Variants in KDF1 observed in about 807,000 individuals in gnomAD.
KDF1 encodes the protein RP11-344H11.3.
Under a neutral mutation model 31.6 loss-of-function variants are expected in KDF1, and 11 were observed. The observed-to-expected ratio is 0.35, with a 90% confidence interval of 0.22 to 0.58. The LOEUF (loss-of-function observed/expected upper bound fraction) is 0.58. KDF1 is among the 20% of genes least tolerant of loss of function. KDF1 has a pLI of 0.83. For synonymous variants in KDF1, 205 were observed against 214.4 expected (o/e 0.96, Z 0.38); for missense variants, 476 against 549.1 (o/e 0.87, Z 1.33).
Position 26,952,253 on chromosome 1 carries a change from C to A in KDF1, c.128G>T (p.Arg43Leu). The change falls in exon 2 of 4, where the codon CGT (arginine) becomes CTT (leucine). Residue 43 changes from arginine (R) to leucine (L), a missense_variant. This residue lies in a region of KDF1 where 330 missense variants were observed against 332.3 expected (regional missense o/e 0.99). Coordinates refer to ENST00000320567, the MANE Select transcript of KDF1 (RefSeq NM_152365.3). This position sits in a 1 kb window ranked among gnomAD's most constrained non-coding sequence, Gnocchi z 4.1. ...PPQPPPSRRT[R>L]RPDPKDPGHH... ...GCCAGGGTCCTTGGGGTCTGGTCTA[C>A]GGGTGCGGCGGCTTGGTGGGGGCTG... The A allele has an allele frequency of 6.3e-7, 1 of 1,589,866 alleles. No individual in the cohort carries two copies. Among genetic ancestry groups the A allele is most frequent in the Non-Finnish European group, 8.6e-7 (1 of 1,166,478 alleles).
intron 1 of KDF1, among the ~76,000 whole-genome samples, chr1:26,957,384 C>G (rs2082381478): frequency 6.6e-6 from 1 of 152,178 alleles, no homozygotes; most frequent in African/African-American, 2.4e-5. Flanking sequence ...GCTGGGTCAG[C>G]CTTGTACTGA....
chr1:26,959,755 C>T (rs1292120314), intron 1 of KDF1, among the ~76,000 whole-genome samples: 2 of 152,160 alleles, frequency 1.3e-5, no homozygotes, highest in African/African-American at 4.8e-5. Context: ...GCACCAGCCT[C>T]TGCCCCCAGC....
rs569778819 is a variant in KDF1, at chr1:26,958,860, G to A, written c.-33+1490C>T. Among the ~76,000 whole-genome samples the A allele has an allele frequency of 1.8e-4, 27 of 152,308 alleles. No homozygotes were observed. The East Asian group carries it at 4.6e-3, about 26-fold the overall frequency. On this transcript the variant is annotated intron_variant, in intron 1 of 3. Coordinates refer to ENST00000320567, the MANE Select transcript of KDF1 (RefSeq NM_152365.3). ...TTAACCATGCTGAGCTCGGAAGTAC[G>A]TGGGGCTCCTGAGGATGGACTGGCT...
At position 26,950,257 on chromosome 1, in the gene KDF1, G is replaced by T; in HGVS notation, c.1115-106C>A. On this transcript the variant is annotated intron_variant, in intron 3 of 3. Transcript: ENST00000320567. The surrounding 1 kb of genome is among the most constrained non-coding windows in gnomAD (Gnocchi z 4.0). ...TGAGAAGGAGCAGAGTGGGACTTGA[G>T]CCTGGGTCAGTCTGATCCTGGCTGG... 9.5e-7 allele frequency: 1 copy of T among 1,049,210 alleles called. No individual in the cohort carries two copies. Among genetic ancestry groups the T allele is most frequent in the Non-Finnish European group, 1.5e-6 (1 of 680,664 alleles). 65.0% of individuals were successfully genotyped at this position (1,049,210 alleles called of 1,614,324 possible). A position where few individuals can be genotyped will look rare whatever the true frequency, so the allele number is the denominator to read the frequency against.
chr1:26,949,644 A>ATC lies in KDF1; in HGVS notation c.*424_*425insGA. 1 of 180,042 alleles carries ATC rather than the reference A, an allele frequency of 5.6e-6. No homozygotes were observed. Among genetic ancestry groups the ATC allele is most frequent in the Non-Finnish European group, 1.2e-5 (1 of 85,336 alleles). 11.2% of individuals were successfully genotyped at this position (180,042 alleles called of 1,614,324 possible). A position where few individuals can be genotyped will look rare whatever the true frequency, so the allele number is the denominator to read the frequency against. On this transcript the variant is annotated 3_prime_UTR_variant, in exon 4 of 4. Transcript: ENST00000320567. ...CAGAACCAACTCCTTAACATAACATAGAGTGGGCCCTGCCCACCCCCCAAT... is the reference window on the plus strand; with the variant it reads ...CAGAACCAACTCCTTAACATAACATATCGAGTGGGCCCTGCCCACCCCCCAAT...
At chr1:26,955,771 A>G (rs538901281) in intron 1 of KDF1, among the ~76,000 whole-genome samples, 26 of 152,304 alleles carry the variant, frequency 1.7e-4, no homozygotes, top group African/African-American at 5.3e-4. Flanking sequence ...CCTGACCAAC[A>G]TGGTGAAACC....
intron 1 of KDF1, among the ~76,000 whole-genome samples, chr1:26,959,329 C>T (rs527876841): frequency 3.3e-5 from 5 of 152,260 alleles, no homozygotes; most frequent in Middle Eastern, 3.4e-3. Context: ...ATCTCCCCGA[C>T]CCTGCTGCCA....
Position 26,952,359 on chromosome 1 carries a change from G to A in KDF1, c.22C>T (p.Arg8Cys), listed in dbSNP as rs565917289. 13 of 1,513,012 alleles carry A rather than the reference G, an allele frequency of 8.6e-6. No individual in the cohort carries two copies. The highest frequency in any genetic ancestry group is 7.0e-5 in the African/African-American group (5 of 71,880). 93.7% of individuals were successfully genotyped at this position (1,513,012 alleles called of 1,614,324 possible). Residue 8 changes from arginine to cysteine, a missense_variant, in exon 2 of 4, where the codon CGC (arginine) becomes TGC (cysteine). Physicochemically the swap from Arg to Cys is radical, Grantham distance 180. This residue lies in a region of KDF1 where 330 missense variants were observed against 332.3 expected (regional missense o/e 0.99). Transcript: ENST00000320567. This position sits in a 1 kb window ranked among gnomAD's most constrained non-coding sequence, Gnocchi z 4.1. MPRPGHP[R>C]PASGPPRLGP... ...AAGCGTGGAGGCCCAGATGCTGGGCGGGGGTGTCCAGGGCGGGGCATGGCT... is the reference window on the plus strand; with the variant it reads ...AAGCGTGGAGGCCCAGATGCTGGGCAGGGGTGTCCAGGGCGGGGCATGGCT...
Position 26,950,178 on chromosome 1 carries a change from A to G in KDF1, c.1115-27T>C. The G allele has an allele frequency of 6.3e-7, 1 of 1,593,496 alleles. No individual in the cohort carries two copies. Among genetic ancestry groups the G allele is most frequent in the Non-Finnish European group, 8.6e-7 (1 of 1,161,712 alleles). ...TGGTAGGAAGGAGAGGAGAGGAGGA[A>G]ACAGGCTCAGGGGAAGGAGCTCATC... On this transcript the variant is annotated intron_variant, in intron 3 of 3. Transcript: ENST00000320567. This position sits in a 1 kb window ranked among gnomAD's most constrained non-coding sequence, Gnocchi z 4.0.
intron 1 of KDF1, among the ~76,000 whole-genome samples, chr1:26,958,880 C>T (rs1032745770): frequency 3.9e-5 from 6 of 152,188 alleles, no homozygotes; most frequent in Non-Finnish European, 7.3e-5. Context: ...TGAGGATGGA[C>T]TGGCTATTGT....
chr1:26,958,193 A>T (rs2082385813), intron 1 of KDF1, among the ~76,000 whole-genome samples: 1 of 126,678 alleles, frequency 7.9e-6, no homozygotes, highest in Admixed American at 8.6e-5. Flanking sequence ...AGTGGAGTGC[A>T]GTGGCGTGGT....
rs1477054609 is a variant in KDF1, at chr1:26,950,051, A to G, written c.*18T>C. 14 of 1,607,160 alleles carry G rather than the reference A, an allele frequency of 8.7e-6. No individual in the cohort carries two copies. Among genetic ancestry groups the G allele is most frequent in the African/African-American group, 1.3e-5 (1 of 74,756 alleles). ...ATGCTTCTCCCAGAAAGGGTGTGGC[A>G]GCTGGGCCTGGCAGGGGTTAGCAGT... On this transcript the variant is annotated 3_prime_UTR_variant, in exon 4 of 4. Coordinates refer to ENST00000320567, the MANE Select transcript of KDF1 (RefSeq NM_152365.3). The surrounding 1 kb of genome is among the most constrained non-coding windows in gnomAD (Gnocchi z 4.0).
chr1:26,955,679 G>A (rs910393704), intron 1 of KDF1, among the ~76,000 whole-genome samples: 4 of 152,178 alleles, frequency 2.6e-5, no homozygotes, highest in South Asian at 4.1e-4. Context: ...GATGAGGGCC[G>A]GGCACAGTGG....
chr1:26,951,245 A>AG lies in KDF1; in HGVS notation c.1039+96dup. The AG allele has an allele frequency of 3.2e-6, 4 of 1,234,504 alleles. No homozygotes were observed. In the South Asian group the frequency reaches 6.4e-5, roughly 20 times the overall value. 76.5% of individuals were successfully genotyped at this position (1,234,504 alleles called of 1,614,324 possible). A position where few individuals can be genotyped will look rare whatever the true frequency, so the allele number is the denominator to read the frequency against. Reference sequence around the variant, plus strand: ...GAGGAGGAAAGGCAGGGACTGGCTGAGGGGTAGACCCACAGTGACTAAAGA... The same window carrying AG: ...GAGGAGGAAAGGCAGGGACTGGCTGAGGGGGTAGACCCACAGTGACTAAAGA... On this transcript the variant is annotated intron_variant, in intron 2 of 3. Transcript: ENST00000320567. This position sits in a 1 kb window ranked among gnomAD's most constrained non-coding sequence, Gnocchi z 5.4.
At position 26,950,588 on chromosome 1, in the gene KDF1, T is replaced by C; in HGVS notation, c.1114+94A>G. ...TCCCCGTCCCTTTTTGATGTCATCC[T>C]CATCACCCCAAAAGAAAGCTGGGAG... On this transcript the variant is annotated intron_variant, in intron 3 of 3. Coordinates refer to ENST00000320567, the MANE Select transcript of KDF1 (RefSeq NM_152365.3). The surrounding 1 kb of genome is among the most constrained non-coding windows in gnomAD (Gnocchi z 4.0). 9.6e-7 allele frequency: 1 copy of C among 1,041,812 alleles called. No homozygotes were observed. The highest frequency in any genetic ancestry group is 1.5e-6 in the Non-Finnish European group (1 of 675,354). The allele number at this position is 1,041,812 out of a possible 1,614,324, so 64.5% of individuals were successfully genotyped here. A position where few individuals can be genotyped will look rare whatever the true frequency, so the allele number is the denominator to read the frequency against.
chr1:26,955,465 A>G (rs1161941905), intron 1 of KDF1, among the ~76,000 whole-genome samples: 1 of 152,158 alleles, frequency 6.6e-6, no homozygotes, highest in Non-Finnish European at 1.5e-5. Context: ...GATTAGATAA[A>G]AAAGCTGAGC....
rs879609294 is a variant in KDF1, at chr1:26,954,919, C to T, written c.-32-2507G>A. ...TGTCACCCAGGCTGGAGTGCAATGG[C>T]GCATTCTCGGCTCACTGCAACCTCT... On this transcript the variant is annotated intron_variant, in intron 1 of 3. Transcript: ENST00000320567. Among the ~76,000 whole-genome samples, 19 of 147,746 alleles carry T rather than the reference C, an allele frequency of 1.3e-4. No homozygotes were observed. In the South Asian group the frequency reaches 1.3e-3, roughly 10 times the overall value.
Position 26,951,885 on chromosome 1 carries a change from G to T in KDF1, c.496C>A (p.Leu166Ile). 3 of 1,611,620 alleles carry T rather than the reference G, an allele frequency of 1.9e-6. No individual in the cohort carries two copies. Among genetic ancestry groups the T allele is most frequent in the Non-Finnish European group, 2.5e-6 (3 of 1,178,306 alleles). ...TAGGGATACACAGGGATGCCTTTGA[G>T]CTTAACATCGGGGTAGCTGAAGCTG... ...GSSFSYPDVKLKGIPVYPYPR... is the reference protein window; with the variant it reads ...GSSFSYPDVKIKGIPVYPYPR... Residue 166 changes from leucine to isoleucine, a missense_variant, in exon 2 of 4, where the codon CTC (leucine) becomes ATC (isoleucine). Physicochemically the swap from Leu to Ile is conservative, Grantham distance 5 (BLOSUM62 2). Transcript: ENST00000320567. This position sits in a 1 kb window ranked among gnomAD's most constrained non-coding sequence, Gnocchi z 5.4.
intron 1 of KDF1, among the ~76,000 whole-genome samples, chr1:26,955,270 C>A (rs2082372771): frequency 6.6e-6 from 1 of 152,154 alleles, no homozygotes; most frequent in African/African-American, 2.4e-5. Context: ...TTGTTGAGAG[C>A]CTCTGTGGCT....
Sources: allele counts gnomAD v4.1 joint callset (sites outside exome capture counted in the v4.1 genomes callset), GRCh38; gene constraint gnomAD v4.1.1; regional missense constraint gnomAD v4.1.1; non-coding constraint Gnocchi (gnomAD v3.1); transcripts MANE v1.5; gene names NCBI Gene and HGNC (gene_info 2026-07-23, HGNC 2026-07-21).